The following DSCAML1 variants were observed in gnomAD, a reference collection of about 807,000 sequenced individuals.
DSCAML1 encodes the protein DS cell adhesion molecule like 1.
In DSCAML1, 38 loss-of-function variants were observed where a neutral mutation model predicts 200.5. The observed-to-expected ratio is 0.19, with a 90% confidence interval of 0.15 to 0.25. The LOEUF (loss-of-function observed/expected upper bound fraction) is 0.25. Among genes scored for constraint, DSCAML1 ranks in the 10% least tolerant of loss-of-function variants. DSCAML1 has a pLI of 1.00. For synonymous variants in DSCAML1, 1,215 were observed against 1,165.0 expected, an observed-to-expected ratio of 1.04 and a Z score of -0.87; for missense variants, 2,223 against 2,858.8, an observed-to-expected ratio of 0.78 and a Z score of 5.07.
chr11:117,675,111 C>T (rs1366123233), intron 3 of DSCAML1, among the ~76,000 whole-genome samples: 1 of 152,186 alleles, frequency 6.6e-6, no homozygotes, highest in Non-Finnish European at 1.5e-5. Flanking sequence ...ATAGTAATAG[C>T]AACTCCTCCA....
intron 3 of DSCAML1, among the ~76,000 whole-genome samples, chr11:117,582,803 C>T (rs1175072562): frequency 1.3e-5 from 2 of 152,174 alleles, no homozygotes; most frequent in Non-Finnish European, 2.9e-5. Context: ...CCCCTCAGTT[C>T]TCAGGCTGTG....
At chr11:117,430,014 G>A (rs369719048) in intron 32 of DSCAML1, among the ~76,000 whole-genome samples, 12 of 152,090 alleles carry the variant, frequency 7.9e-5, no homozygotes, top group Admixed American at 3.9e-4. Context: ...AGAAAGCCCC[G>A]CCCCCTGCCT....
chr11:117,778,629 C>T (rs2055175632), intron 2 of DSCAML1, among the ~76,000 whole-genome samples: 1 of 152,252 alleles, frequency 6.6e-6, no homozygotes. Flanking sequence ...GGCTATGTGC[C>T]CTTGGGCAAG....
Position 117,428,315 on chromosome 11 carries a change from C to G in DSCAML1, c.*13G>C, listed in dbSNP as rs747709556. ...GCGGCGCGGTCCAGGCGTGGCTGCTCTTCCTGCGGGCCCTACACCAGGGTG... is the reference window on the plus strand; with the variant it reads ...GCGGCGCGGTCCAGGCGTGGCTGCTGTTCCTGCGGGCCCTACACCAGGGTG... On this transcript the variant is annotated 3_prime_UTR_variant, in exon 33 of 33. Coordinates refer to ENST00000651296, the MANE Select transcript of DSCAML1 (RefSeq NM_020693.4). 4.1e-6 allele frequency: 6 copies of G among 1,453,164 alleles called. No homozygotes were observed. The highest frequency in any genetic ancestry group is 3.8e-6 in the Non-Finnish European group (4 of 1,046,976). The allele number at this position is 1,453,164 out of a possible 1,614,324, so 90.0% of individuals were successfully genotyped here.
At chr11:117,657,875 G>A (rs542096931) in intron 3 of DSCAML1, among the ~76,000 whole-genome samples, 23 of 152,240 alleles carry the variant, frequency 1.5e-4, no homozygotes, top group South Asian at 4.2e-4. Context: ...TCCATGGCCC[G>A]AGGGAAAAGG....
intron 3 of DSCAML1, among the ~76,000 whole-genome samples, chr11:117,687,103 G>A (rs1291950750): frequency 6.6e-6 from 1 of 152,106 alleles, no homozygotes; most frequent in South Asian, 2.1e-4. Flanking sequence ...CAGGCAGAAG[G>A]CCAAGGACTC....
In DSCAML1 at chr11:117,524,896, G is replaced by A. The variant is rs142758937; in HGVS notation, c.846C>T (p.Ser282=). The change falls in exon 5 of 33, where the codon AGC becomes AGT. Residue 282 remains serine, a synonymous_variant. Coordinates refer to ENST00000651296, the MANE Select transcript of DSCAML1 (RefSeq NM_020693.4). ...WTKRITGLTI[S]DLRTEDSGTY... ...TGCCGCTGTCCTCGGTCCGCAAGTCGCTGATGGTCAGCCCTGTGATGCGCT... is the reference window on the plus strand; with the variant it reads ...TGCCGCTGTCCTCGGTCCGCAAGTCACTGATGGTCAGCCCTGTGATGCGCT... 216 of 1,612,996 alleles carry A rather than the reference G, an allele frequency of 1.3e-4. No individual in the cohort carries two copies. The highest frequency in any genetic ancestry group is 5.0e-4 in the Admixed American group (30 of 59,848).
At chr11:117,756,553 G>A (rs768196614) in intron 3 of DSCAML1, among the ~76,000 whole-genome samples, 6 of 152,140 alleles carry the variant, frequency 3.9e-5, no homozygotes, top group Non-Finnish European at 8.8e-5. Context: ...ACTAAGACTA[G>A]AGACAATTTT....
intron 3 of DSCAML1, among the ~76,000 whole-genome samples, chr11:117,675,862 C>A (rs913803767): frequency 1.3e-5 from 2 of 152,174 alleles, no homozygotes; most frequent in Non-Finnish European, 2.9e-5. Context: ...ATCAATAATT[C>A]CTCCTGGTGA....
chr11:117,460,131 C>T (rs527756720), intron 18 of DSCAML1, among the ~76,000 whole-genome samples: 4 of 152,266 alleles, frequency 2.6e-5, no homozygotes, highest in African/African-American at 7.2e-5. Flanking sequence ...CCGCAGGCTT[C>T]GAAAAGAGGA....
At chr11:117,456,146 C>T (rs1291142169) in intron 19 of DSCAML1, among the ~76,000 whole-genome samples, 1 of 152,138 alleles carries the variant, frequency 6.6e-6, no homozygotes, top group East Asian at 1.9e-4. Flanking sequence ...GAGGCATGCC[C>T]GCAGGAAGAG....
intron 3 of DSCAML1, among the ~76,000 whole-genome samples, chr11:117,739,840 T>C (rs992438238): frequency 1.3e-5 from 2 of 152,196 alleles, no homozygotes; most frequent in Non-Finnish European, 2.9e-5. Context: ...GGAGGCATTG[T>C]CATATATTTA....
intron 3 of DSCAML1, among the ~76,000 whole-genome samples, chr11:117,623,183 C>T (rs1234510655): frequency 6.6e-6 from 1 of 151,028 alleles, no homozygotes; most frequent in Non-Finnish European, 1.5e-5. Context: ...GTCTAACATG[C>T]TAAACTCTTT....
chr11:117,637,072 A>G (rs913547650), intron 3 of DSCAML1, among the ~76,000 whole-genome samples: 1 of 151,986 alleles, frequency 6.6e-6, no homozygotes, highest in African/African-American at 2.4e-5. Flanking sequence ...CCTGAGCAGG[A>G]GCCCCCTTTC....
intron 19 of DSCAML1, among the ~76,000 whole-genome samples, chr11:117,456,038 CTG>C (rs1292428716): frequency 6.6e-6 from 1 of 152,204 alleles, no homozygotes; most frequent in African/African-American, 2.4e-5. Flanking sequence ...CGTTTGGTGA[CTG>C]TCTTAGCAAG....
At chr11:117,587,402 C>G (rs928187127) in intron 3 of DSCAML1, among the ~76,000 whole-genome samples, 1 of 152,090 alleles carries the variant, frequency 6.6e-6, no homozygotes, top group African/African-American at 2.4e-5. Flanking sequence ...CTCCTCCTAC[C>G]CTCCCCATCA....
intron 3 of DSCAML1, among the ~76,000 whole-genome samples, chr11:117,684,462 A>AAAAAAAAAAG (rs1565872985): frequency 1.2e-4 from 15 of 129,974 alleles, no homozygotes; most frequent in East Asian, 2.3e-4. Context: ...AAAAAAAAAG[A>AAAAAAAAAAG]AAAAAAGAGG....
intron 1 of DSCAML1, among the ~76,000 whole-genome samples, chr11:117,804,427 TTTTC>T (rs1165094458): frequency 7.9e-5 from 12 of 152,216 alleles, no homozygotes; most frequent in African/African-American, 1.7e-4. Flanking sequence ...GTACACATGC[TTTTC>T]TTTATCAAGC....
Position 117,498,516 on chromosome 11 carries a change from G to T in DSCAML1, c.2359+5329C>A, listed in dbSNP as rs548775150. On this transcript the variant is annotated intron_variant, in intron 11 of 32. Coordinates refer to ENST00000651296, the MANE Select transcript of DSCAML1 (RefSeq NM_020693.4). The surrounding 1 kb of genome is among the most constrained non-coding windows in gnomAD (Gnocchi z 4.0). ...TCCTTGCCCTGTGGAAGGGGTGGGGGCCCCAGTCCCCCAGGTCTCAGGGAG... is the reference window on the plus strand; with the variant it reads ...TCCTTGCCCTGTGGAAGGGGTGGGGTCCCCAGTCCCCCAGGTCTCAGGGAG... 1.2e-3 allele frequency among the ~76,000 whole-genome samples: 178 copies of T among 152,298 alleles called. No individual in the cohort carries two copies. Among genetic ancestry groups the T allele is most frequent in the African/African-American group, 4.1e-3 (171 of 41,564 alleles).
Sources: gnomAD v4.1 joint callset for allele counts (sites outside exome capture counted in the v4.1 genomes callset) on GRCh38, gnomAD v4.1.1 for gene constraint, Gnocchi (gnomAD v3.1) non-coding constraint, MANE v1.5 for transcripts, NCBI Gene and HGNC (gene_info 2026-07-23, HGNC 2026-07-21) for gene names.